PTPRD: variants seen among roughly 807,000 people sequenced by gnomAD.
The protein encoded by PTPRD is receptor-type tyrosine-protein phosphatase delta.
Under a neutral mutation model 214.5 loss-of-function variants are expected in PTPRD, and 34 were observed. The ratio of observed to expected loss-of-function variants is 0.16; its 90% CI spans 0.12 to 0.21. The LOEUF is 0.21. PTPRD is among the 10% of genes least tolerant of loss of function. The pLI is 1.00. For synonymous variants in PTPRD, 1,128 were observed against 845.7 expected (o/e 1.33, Z -5.79); for missense variants, 2,545 against 2,398.7 (o/e 1.06, Z -1.27).
chr9:9,774,565 G>A (rs919178166), intron 5 of PTPRD, among the ~76,000 whole-genome samples: 1 of 152,068 alleles, frequency 6.6e-6, no homozygotes, highest in Non-Finnish European at 1.5e-5. Flanking sequence ...AGCCAGCTAA[G>A]GCCACCAGCC....
chr9:8,387,502 A>C (rs144744767), intron 37 of PTPRD, among the ~76,000 whole-genome samples: 156 of 152,334 alleles, frequency 1.0e-3, no homozygotes, highest in Middle Eastern at 3.4e-3. Context: ...CAGCTTTTGC[A>C]AATGACTGCT....
Position 9,842,733 on chromosome 9 carries a change from C to CATCAGTGT in PTPRD, c.-367-75890_-367-75883dup, listed in dbSNP as rs2058636573. On this transcript the variant is annotated intron_variant, in intron 5 of 45. Transcript: ENST00000381196. ...CATTGGCTTTACCTTGGACAGGATT[C>CATCAGTGT]ATCAGTGTTGTGCTTCATACACCAG... Among the ~76,000 whole-genome samples, 4 of 149,772 alleles carry CATCAGTGT rather than the reference C, an allele frequency of 2.7e-5. No individual in the cohort carries two copies. The South Asian group carries it at 8.5e-4, about 32-fold the overall frequency.
At chr9:10,236,726 C>G (rs1296081117) in intron 3 of PTPRD, among the ~76,000 whole-genome samples, 1 of 151,892 alleles carries the variant, frequency 6.6e-6, no homozygotes, top group South Asian at 2.1e-4. Context: ...ATCTCTCAAA[C>G]TTATTTAATA....
At chr9:10,264,915 A>C (rs981464493) in intron 3 of PTPRD, among the ~76,000 whole-genome samples, 2 of 152,108 alleles carry the variant, frequency 1.3e-5, no homozygotes, top group African/African-American at 4.8e-5. Flanking sequence ...CATGGTAGTG[A>C]ATAAGTCTCA....
intron 14 of PTPRD, among the ~76,000 whole-genome samples, chr9:8,621,949 A>G (rs944831021): frequency 6.6e-6 from 1 of 151,988 alleles, no homozygotes; most frequent in Admixed American, 6.6e-5. Context: ...TAAAATGCCT[A>G]AACTACCATC....
intron 5 of PTPRD, among the ~76,000 whole-genome samples, chr9:9,914,488 A>G (rs1015701535): frequency 2.0e-5 from 3 of 152,190 alleles, no homozygotes; most frequent in African/African-American, 7.2e-5. Flanking sequence ...AGACACAATC[A>G]GAGGCCAGCC....
chr9:9,554,950 T>C (rs1284244590), intron 8 of PTPRD, among the ~76,000 whole-genome samples: 1 of 152,100 alleles, frequency 6.6e-6, no homozygotes, highest in Non-Finnish European at 1.5e-5. Context: ...ACATATTCTA[T>C]ATTATACAAG....
At chr9:8,901,616 G>A (rs1326295888) in intron 11 of PTPRD, among the ~76,000 whole-genome samples, 1 of 152,146 alleles carries the variant, frequency 6.6e-6, no homozygotes, top group Admixed American at 6.6e-5. Context: ...CTGGAACGTA[G>A]GTCTCCTGAT....
At chr9:10,462,140 G>A (rs2098963580) in intron 2 of PTPRD, among the ~76,000 whole-genome samples, 1 of 152,066 alleles carries the variant, frequency 6.6e-6, no homozygotes, top group South Asian at 2.1e-4. Flanking sequence ...TTTGGTAAAT[G>A]AGTAAATTAT....
chr9:8,857,856 G>C (rs956534196), intron 11 of PTPRD: 1 of 155,568 alleles, frequency 6.4e-6, no homozygotes, highest in African/African-American at 2.4e-5. Flanking sequence ...AAGTGGAAGA[G>C]AGTCAGCGAG....
Position 8,470,997 on chromosome 9 carries a change from C to G in PTPRD, c.3502G>C (p.Glu1168Gln), listed in dbSNP as rs2134933401. ...ATGGCCAACAATGACACAGTTACCT[C>G]ATCTAATTCCATTTCATCTGGACTC... ...WESPDEMELD[E>Q]LLKEISRKRR... Residue 1168 changes from glutamate to glutamine, a missense_variant and splice_region_variant, in exon 31 of 46, where the codon GAG (glutamate) becomes CAG (glutamine). By Grantham distance (29) the Glu-to-Gln change is conservative. Transcript: ENST00000381196. The G allele has an allele frequency of 1.2e-6, 2 of 1,611,134 alleles. No homozygotes were observed. Among genetic ancestry groups the G allele is most frequent in the Non-Finnish European group, 1.7e-6 (2 of 1,177,478 alleles).
At chr9:8,885,657 C>A (rs566969181) in intron 11 of PTPRD, among the ~76,000 whole-genome samples, 1 of 151,734 alleles carries the variant, frequency 6.6e-6, no homozygotes, top group Non-Finnish European at 1.5e-5. Context: ...CCACCACACC[C>A]GGTTAATTTT....
At chr9:9,134,829 A>C (rs1328461617) in intron 10 of PTPRD, among the ~76,000 whole-genome samples, 2 of 146,042 alleles carry the variant, frequency 1.4e-5, no homozygotes, top group African/African-American at 2.6e-5. Flanking sequence ...GTGTGTTTTC[A>C]CTCTATATTC....
intron 3 of PTPRD, among the ~76,000 whole-genome samples, chr9:10,073,234 G>T (rs948843599): frequency 6.6e-6 from 1 of 152,000 alleles, no homozygotes; most frequent in Non-Finnish European, 1.5e-5. Flanking sequence ...ATACCAGGAT[G>T]GAATGCAGGC....
intron 4 of PTPRD, among the ~76,000 whole-genome samples, chr9:9,945,971 G>T (rs2092484969): frequency 6.8e-6 from 1 of 146,596 alleles, no homozygotes; most frequent in African/African-American, 2.6e-5. Flanking sequence ...CAAATTAAAT[G>T]ATATAAAATT....
intron 2 of PTPRD, among the ~76,000 whole-genome samples, chr9:10,518,594 C>G (rs1245152405): frequency 6.6e-6 from 1 of 151,640 alleles, no homozygotes; most frequent in Non-Finnish European, 1.5e-5. Context: ...GTGCAGCGGC[C>G]CAATCTTGGC....
At chr9:9,773,588 TA>T (rs1440636233) in intron 5 of PTPRD, among the ~76,000 whole-genome samples, 1 of 152,226 alleles carries the variant, frequency 6.6e-6, no homozygotes, top group Non-Finnish European at 1.5e-5. Context: ...TCCCTCATTA[TA>T]AGGTACATAC....
intron 14 of PTPRD, among the ~76,000 whole-genome samples, chr9:8,543,481 A>G (rs753445754): frequency 1.3e-5 from 2 of 152,130 alleles, no homozygotes; most frequent in Non-Finnish European, 2.9e-5. Flanking sequence ...GCATTCACTA[A>G]AGGAAGGAAG....
At chr9:10,610,273 G>A (rs1434269289) in intron 2 of PTPRD, among the ~76,000 whole-genome samples, 1 of 152,076 alleles carries the variant, frequency 6.6e-6, no homozygotes, top group Admixed American at 6.6e-5. Flanking sequence ...TTTCATTCAG[G>A]CTATTTTCCT....
Sources: gnomAD v4.1 joint callset for allele counts (sites outside exome capture counted in the v4.1 genomes callset) on GRCh38, gnomAD v4.1.1 for gene constraint, MANE v1.5 for transcripts, NCBI Gene and HGNC (gene_info 2026-07-23, HGNC 2026-07-21) for gene names.